The following TRAM2 variants were observed in gnomAD, a reference collection of about 807,000 sequenced individuals.
The protein encoded by TRAM2 is translocation associated membrane protein 2, also known as translocating chain-associated membrane protein 2.
A neutral mutation model predicts 51.0 loss-of-function variants in TRAM2; 12 were observed. That is an observed-to-expected ratio of 0.24 (90% confidence interval 0.15 to 0.38). TRAM2 has a LOEUF of 0.38. TRAM2 is among the 10% of genes least tolerant of loss of function. The pLI, the probability that TRAM2 is intolerant of heterozygous loss-of-function variation, is 1.00. For synonymous variants in TRAM2, 175 were observed against 179.4 expected (o/e 0.98, Z 0.20); for missense variants, 361 against 462.0 (o/e 0.78, Z 2.00).
At chr6:52,550,395 T>C (rs1441537926) in intron 1 of TRAM2, among the ~76,000 whole-genome samples, 1 of 152,226 alleles carries the variant, frequency 6.6e-6, no homozygotes, top group African/African-American at 2.4e-5. Context: ...CCCTTGTTAA[T>C]AGTGCCTACA....
At chr6:52,573,033 T>C (rs1475044920) in intron 1 of TRAM2, among the ~76,000 whole-genome samples, 2 of 152,164 alleles carry the variant, frequency 1.3e-5, no homozygotes, top group Non-Finnish European at 2.9e-5. Context: ...AGGCTCAGAA[T>C]TGTGGAAACA....
At chr6:52,541,501 C>A (rs1767080804) in intron 1 of TRAM2, among the ~76,000 whole-genome samples, 1 of 152,226 alleles carries the variant, frequency 6.6e-6, no homozygotes, top group African/African-American at 2.4e-5. Flanking sequence ...CAACCTTACA[C>A]TGACAAACTT....
At chr6:52,509,175 C>A (rs886446913) in intron 5 of TRAM2, among the ~76,000 whole-genome samples, 3 of 152,220 alleles carry the variant, frequency 2.0e-5, no homozygotes, top group Non-Finnish European at 4.4e-5. Context: ...TGACAGACCA[C>A]CAGCCATGGC....
chr6:52,508,305 A>T lies in TRAM2; in HGVS notation c.484T>A (p.Phe162Ile). 5 of 1,613,714 alleles carry T rather than the reference A, an allele frequency of 3.1e-6. No individual in the cohort carries two copies. Among genetic ancestry groups the T allele is most frequent in the Non-Finnish European group, 4.2e-6 (5 of 1,179,994 alleles). Residue 162 changes from phenylalanine (F) to isoleucine (I), a missense_variant, in exon 6 of 11, where the codon TTT becomes ATT. Physicochemically the swap from Phe to Ile is conservative, Grantham distance 21. Transcript: ENST00000182527. ...TAGGCCAGCTGGCATAGGTAGAAAA[A>T]CTTCACCTGGAAGCTGGAGACAAGG... ...PHVHLPFQVK[F>I]FYLCQLAYWL...
intron 2 of TRAM2, among the ~76,000 whole-genome samples, chr6:52,527,768 G>A (rs1349871163): frequency 6.6e-6 from 1 of 152,248 alleles, no homozygotes; most frequent in African/African-American, 2.4e-5. Flanking sequence ...TGCGTCTGAA[G>A]AAGACACTTC....
intron 7 of TRAM2, 127 bp downstream of exon 7, chr6:52,507,426 C>G: frequency 2.2e-6 from 2 of 894,988 alleles, no homozygotes; most frequent in Non-Finnish European, 3.4e-6. Context: ...TTTGTATTGC[C>G]AAGTCTTAGC....
At chr6:52,552,995 T>C (rs1562486745) in intron 1 of TRAM2, among the ~76,000 whole-genome samples, 1 of 152,144 alleles carries the variant, frequency 6.6e-6, no homozygotes, top group Non-Finnish European at 1.5e-5. Flanking sequence ...CACCAGCCTG[T>C]AGGAGAGACT....
chr6:52,518,323 C>A (rs948342806), intron 2 of TRAM2, among the ~76,000 whole-genome samples: 5 of 152,190 alleles, frequency 3.3e-5, no homozygotes, highest in Non-Finnish European at 5.9e-5. Flanking sequence ...TGAGGCTGGA[C>A]TGCTGGGGGC....
Position 52,521,701 on chromosome 6 carries a change from AAAAATAAAAT to A in TRAM2, c.185-4974_185-4965del, listed in dbSNP as rs770042475. On this transcript the variant is annotated intron_variant, in intron 2 of 10. Transcript: ENST00000182527. ...GACAGAGCGAGAGACTCCATCTCAA[AAAAATAAAAT>A]AAAATAAAATAAAATAAAACAAAAC... Among the ~76,000 whole-genome samples the A allele has an allele frequency of 7.3e-5, 11 of 150,986 alleles. 1 individual carries two copies. Among genetic ancestry groups the A allele is most frequent in the African/African-American group, 2.0e-4 (8 of 40,952 alleles).
At chr6:52,547,288 C>T (rs112292063) in intron 1 of TRAM2, among the ~76,000 whole-genome samples, 6 of 152,172 alleles carry the variant, frequency 3.9e-5, no homozygotes, top group African/African-American at 1.2e-4. Context: ...ACCAATCCAA[C>T]GGGTATTTCT....
chr6:52,546,456 G>A (rs1346230448), intron 1 of TRAM2, among the ~76,000 whole-genome samples: 1 of 152,150 alleles, frequency 6.6e-6, no homozygotes, highest in Non-Finnish European at 1.5e-5. Context: ...AGGTGAGCTA[G>A]GCAGCACAGA....
intron 1 of TRAM2, 37 bp from the exon 2 acceptor site, chr6:52,535,883 TG>T (rs1345629090): frequency 1.3e-6 from 2 of 1,590,338 alleles, no homozygotes; most frequent in South Asian, 2.2e-5. Flanking sequence ...GTTTAGCTTT[TG>T]GCCACATCAA....
In TRAM2 at chr6:52,528,743, T is replaced by C. The variant is rs369238435; in HGVS notation, c.184+7040A>G. ...GCTCTGGGATGGATTCTTGTTACCT[T>C]TGATCACTGTAAAACAAACCTTTCT... is the stretch of plus-strand genomic sequence containing the variant. On this transcript the variant is annotated intron_variant, in intron 2 of 10. Transcript: ENST00000182527. Among the ~76,000 whole-genome samples the C allele has an allele frequency of 2.1e-3, 321 of 152,270 alleles. 2 individuals are homozygous for C. Among genetic ancestry groups the C allele is most frequent in the Non-Finnish European group, 3.7e-3 (251 of 68,036 alleles).
intron 1 of TRAM2, among the ~76,000 whole-genome samples, chr6:52,543,868 C>T (rs1052272628): frequency 6.6e-6 from 1 of 152,182 alleles, no homozygotes; most frequent in Non-Finnish European, 1.5e-5. Context: ...AAGGATTATT[C>T]AAGGTCTCCA....
chr6:52,509,715 T>C, intron 4 of TRAM2, 129 bp from the exon 5 acceptor site: 1 of 789,268 alleles, frequency 1.3e-6, no homozygotes, highest in Admixed American at 2.5e-5. Flanking sequence ...ACAGGAAATG[T>C]GAAAACAGAG....
At position 52,541,803 on chromosome 6, in the gene TRAM2, G is replaced by T. The variant is rs116125873; in HGVS notation, c.121-5957C>A. 4.9e-4 allele frequency among the ~76,000 whole-genome samples: 68 copies of T among 138,700 alleles called. 1 individual carries two copies. The highest frequency in any genetic ancestry group is 9.4e-4 in the South Asian group (4 of 4,250). The allele number at this position is 138,700 out of a possible 152,430, so 91.0% of individuals were successfully genotyped here. A position where few individuals can be genotyped will look rare whatever the true frequency, so the allele number is the denominator to read the frequency against. On this transcript the variant is annotated intron_variant, in intron 1 of 10. Transcript: ENST00000182527. ...TAAATCCTTTGGTTCAGTTTATTCT[G>T]TTTTTTTTTTTTTTGGCAGACACAT...
chr6:52,542,507 C>G (rs1767121245), intron 1 of TRAM2, among the ~76,000 whole-genome samples: 1 of 152,164 alleles, frequency 6.6e-6, no homozygotes, highest in South Asian at 2.1e-4. Flanking sequence ...GCGCCTGAAT[C>G]ACAGGGGGCA....
chr6:52,572,133 TAC>T, intron 1 of TRAM2, among the ~76,000 whole-genome samples: 1 of 152,200 alleles, frequency 6.6e-6, no homozygotes. Flanking sequence ...GAGACATCTG[TAC>T]AGAAATCCAA....
chr6:52,512,420 A>G (rs1304236062), intron 4 of TRAM2, among the ~76,000 whole-genome samples: 1 of 152,154 alleles, frequency 6.6e-6, no homozygotes, highest in Non-Finnish European at 1.5e-5. Flanking sequence ...GAGCCAGAGG[A>G]AAAATGACTC....
Sources: gnomAD v4.1 joint callset for allele counts (sites outside exome capture counted in the v4.1 genomes callset) on GRCh38, gnomAD v4.1.1 for gene constraint, MANE v1.5 for transcripts, NCBI Gene and HGNC (gene_info 2026-07-23, HGNC 2026-07-21) for gene names.